The following MDGA2 variants were observed in gnomAD, a reference collection of about 807,000 sequenced individuals.
MDGA2 encodes the protein MAM domain-containing glycosylphosphatidylinositol anchor protein 2.
In MDGA2, 40 loss-of-function variants were observed where a neutral mutation model predicts 117.8. That is an observed-to-expected ratio of 0.34 (90% CI 0.26 to 0.44). The LOEUF is 0.44. Ranked by LOEUF, MDGA2 falls within the 20% of genes least tolerant of loss-of-function variation. The pLI, the probability that MDGA2 is intolerant of heterozygous loss-of-function variation, is 1.00. For missense variants in MDGA2, 1,123 were observed against 1,250.6 expected (o/e 0.90, Z 1.54); for synonymous variants, 452 against 439.0 (o/e 1.03, Z -0.37).
At chr14:47,594,598 T>C (rs1288021498) in intron 1 of MDGA2, among the ~76,000 whole-genome samples, 1 of 152,222 alleles carries the variant, frequency 6.6e-6, no homozygotes, top group Non-Finnish European at 1.5e-5. Flanking sequence ...GAGGAAATAC[T>C]GCCCCCTAAG....
chr14:47,479,063 T>C (rs768176795), intron 1 of MDGA2, among the ~76,000 whole-genome samples: 14 of 152,216 alleles, frequency 9.2e-5, no homozygotes, highest in Non-Finnish European at 1.9e-4. Context: ...TTAAATTTTT[T>C]CTCAAACTTA....
intron 1 of MDGA2, among the ~76,000 whole-genome samples, chr14:47,547,419 GA>G (rs1229109498): frequency 6.6e-6 from 1 of 152,130 alleles, no homozygotes; most frequent in Non-Finnish European, 1.5e-5. Flanking sequence ...GAGATCCTAA[GA>G]ACATGATTTC....
chr14:47,241,027 TG>T (rs1594747482), intron 2 of MDGA2, among the ~76,000 whole-genome samples: 2 of 152,000 alleles, frequency 1.3e-5, no homozygotes, highest in East Asian at 3.9e-4. Flanking sequence ...GCTCCAGATA[TG>T]TTTGTTGAAA....
chr14:47,188,050 G>A (rs1884976014), intron 3 of MDGA2, among the ~76,000 whole-genome samples: 1 of 152,020 alleles, frequency 6.6e-6, no homozygotes, highest in African/African-American at 2.4e-5. Context: ...TCCCATTAGA[G>A]ATTTTATAAA....
intron 8 of MDGA2, among the ~76,000 whole-genome samples, chr14:46,980,188 C>T (rs1274233776): frequency 6.6e-6 from 1 of 152,094 alleles, no homozygotes; most frequent in Admixed American, 6.5e-5. Flanking sequence ...AAAATATCAA[C>T]ACTAACAGGA....
intron 8 of MDGA2, among the ~76,000 whole-genome samples, chr14:46,993,170 A>T (rs1887157581): frequency 1.3e-5 from 2 of 152,162 alleles, no homozygotes; most frequent in African/African-American, 4.8e-5. Context: ...TAGCATTATG[A>T]TGATGCGAGG....
chr14:47,628,646 T>G (rs1029349521), intron 1 of MDGA2, among the ~76,000 whole-genome samples: 1 of 152,216 alleles, frequency 6.6e-6, no homozygotes, highest in Non-Finnish European at 1.5e-5. Flanking sequence ...CTAACCTCTT[T>G]TTGAGTATCA....
At chr14:47,611,497 C>A (rs1389037981) in intron 1 of MDGA2, among the ~76,000 whole-genome samples, 2 of 151,280 alleles carry the variant, frequency 1.3e-5, no homozygotes, top group African/African-American at 2.4e-5. Flanking sequence ...ACAACAAACT[C>A]AAAAAAAATC....
chr14:47,058,966 T>G (rs1301152302), intron 7 of MDGA2: 1 of 976,312 alleles, frequency 1.0e-6, no homozygotes, highest in African/African-American at 1.8e-5. Flanking sequence ...TTATTTTCAC[T>G]GGACACCACA....
At chr14:47,329,780 A>G (rs1890242940) in intron 1 of MDGA2, among the ~76,000 whole-genome samples, 1 of 152,018 alleles carries the variant, frequency 6.6e-6, no homozygotes, top group African/African-American at 2.4e-5. Flanking sequence ...AATACATACA[A>G]AAATCAATAA....
chr14:47,391,351 G>A (rs188964994), intron 1 of MDGA2, among the ~76,000 whole-genome samples: 1 of 152,286 alleles, frequency 6.6e-6, no homozygotes, highest in Non-Finnish European at 1.5e-5. Context: ...GGGTGGCATT[G>A]TTTTGCCATA....
chr14:47,468,444 A>G (rs1452270097), intron 1 of MDGA2, among the ~76,000 whole-genome samples: 1 of 152,162 alleles, frequency 6.6e-6, no homozygotes, highest in Non-Finnish European at 1.5e-5. Flanking sequence ...ATTCTTAATC[A>G]GAGCTGAGTA....
chr14:47,313,111 C>T (rs1034628390), intron 1 of MDGA2, among the ~76,000 whole-genome samples: 14 of 151,874 alleles, frequency 9.2e-5, no homozygotes, highest in African/African-American at 3.4e-4. Flanking sequence ...ATTTGCACAA[C>T]TTTAATTTTA....
At chr14:47,012,972 C>T (rs1252595385) in intron 8 of MDGA2, among the ~76,000 whole-genome samples, 3 of 152,204 alleles carry the variant, frequency 2.0e-5, no homozygotes, top group South Asian at 4.1e-4. Flanking sequence ...ATCATCTAAG[C>T]CTTCATCGAG....
chr14:47,206,603 G>A (rs1885692885), intron 3 of MDGA2, among the ~76,000 whole-genome samples: 1 of 151,740 alleles, frequency 6.6e-6, no homozygotes, highest in Non-Finnish European at 1.5e-5. Context: ...TAAGTATATA[G>A]GTAGGGCTGG....
intron 3 of MDGA2, among the ~76,000 whole-genome samples, chr14:47,212,612 C>G (rs900364681): frequency 6.6e-6 from 1 of 152,020 alleles, no homozygotes; most frequent in Non-Finnish European, 1.5e-5. Flanking sequence ...TTCATTTTCA[C>G]ATTGTCTTAC....
chr14:46,958,236 A>T (rs1885642417), intron 8 of MDGA2, among the ~76,000 whole-genome samples: 1 of 152,188 alleles, frequency 6.6e-6, no homozygotes, highest in South Asian at 2.1e-4. Context: ...GTGAGTAAGC[A>T]GTAAGAGAAG....
intron 3 of MDGA2, among the ~76,000 whole-genome samples, chr14:47,157,791 A>G (rs764903911): frequency 1.3e-5 from 2 of 152,092 alleles, no homozygotes; most frequent in African/African-American, 4.8e-5. Context: ...AGTTCTCACA[A>G]GATCTTGTGG....
chr14:47,064,028 T>C (rs1475971329), intron 6 of MDGA2, among the ~76,000 whole-genome samples: 3 of 151,918 alleles, frequency 2.0e-5, no homozygotes, highest in African/African-American at 7.2e-5. Flanking sequence ...AAATATGAAA[T>C]CAGTATCTGT....
Sources: allele counts gnomAD v4.1 joint callset (sites outside exome capture counted in the v4.1 genomes callset), GRCh38; gene constraint gnomAD v4.1.1; transcripts MANE v1.5; gene names NCBI Gene and HGNC (gene_info 2026-07-23, HGNC 2026-07-21).